The following EZH1 variants were observed in gnomAD, a reference collection of about 807,000 sequenced individuals.
EZH1 encodes histone-lysine N-methyltransferase EZH1.
In EZH1, 33 loss-of-function variants were observed where a neutral mutation model predicts 100.5. The observed-to-expected ratio is 0.33, with a 90% CI of 0.25 to 0.44. The LOEUF is 0.44. EZH1 is among the 20% of genes least tolerant of loss of function. The probability of loss-of-function intolerance (pLI) is 1.00; values close to 1 mark genes in which losing one functional copy is unlikely to be tolerated. For missense variants in EZH1, 475 were observed against 928.4 expected, an observed-to-expected ratio of 0.51 and a Z score of 6.35; for synonymous variants, 272 against 313.8, an observed-to-expected ratio of 0.87 and a Z score of 1.41.
At position 42,705,112 on chromosome 17, in the gene EZH1, T is replaced by C; in HGVS notation, c.1911A>G (p.Glu637=). 6.2e-7 allele frequency: 1 copy of C among 1,613,624 alleles called. No homozygotes were observed. The highest frequency in any genetic ancestry group is 1.1e-5 in the South Asian group (1 of 91,024). Residue 637 remains glutamate (E), a synonymous_variant, in exon 17 of 21, where the codon GAA becomes GAG. Coordinates refer to ENST00000428826, the MANE Select transcript of EZH1 (RefSeq NM_001991.5). ...CCTCACCACAGTATTCAGAAATGAATTCGTTCTTCTGCACAGACTCCTTTA... is the reference window on the plus strand; with the variant it reads ...CCTCACCACAGTATTCAGAAATGAACTCGTTCTTCTGCACAGACTCCTTTA... ...TFIKESVQKN[E]FISEYCGELI...
chr17:42,713,445 C>A, intron 10 of EZH1, 56 bp from the exon 11 acceptor site: 1 of 1,471,178 alleles, frequency 6.8e-7, no homozygotes, highest in Non-Finnish European at 9.1e-7. Context: ...CCATATTGAT[C>A]TCATCATCAC....
chr17:42,734,200 C>T (rs759887894), intron 1 of EZH1, among the ~76,000 whole-genome samples: 5 of 151,588 alleles, frequency 3.3e-5, no homozygotes, highest in African/African-American at 7.3e-5. Context: ...CCACCATGCC[C>T]GGCCAATTTT....
intron 1 of EZH1, among the ~76,000 whole-genome samples, chr17:42,742,403 CAA>C (rs2054192908): frequency 6.6e-6 from 1 of 152,186 alleles, no homozygotes; most frequent in African/African-American, 2.4e-5. Context: ...CTCAGCCTCC[CAA>C]AGTGCTGGGC....
At position 42,726,803 on chromosome 17, in the gene EZH1, C is replaced by T. The variant is rs981732557; in HGVS notation, c.246+832G>A. 3.2e-4 allele frequency among the ~76,000 whole-genome samples: 49 copies of T among 150,776 alleles called. 2 individuals carry two copies. The highest frequency in any genetic ancestry group is 4.2e-4 in the South Asian group (2 of 4,714). On this transcript the variant is annotated intron_variant, in intron 4 of 20. Transcript: ENST00000428826. ...TGCTGGGATTACAGGTGTGAGCCAC[C>T]GCGTCCAGCCAAAGTTTCTTAACTA...
intron 1 of EZH1, among the ~76,000 whole-genome samples, chr17:42,736,993 T>A (rs993051921): frequency 2.6e-5 from 4 of 151,890 alleles, no homozygotes; most frequent in African/African-American, 9.7e-5. Flanking sequence ...TTACAATTTT[T>A]TTTTTTTTTT....
Position 42,722,856 on chromosome 17 carries a change from T to C in EZH1, c.426A>G (p.Glu142=), listed in dbSNP as rs767592364. The change falls in exon 6 of 21, where the codon GAA becomes GAG. Residue 142 remains glutamate, a synonymous_variant. Coordinates refer to ENST00000428826, the MANE Select transcript of EZH1 (RefSeq NM_001991.5). ...TCAGCTCCTCAATAAAAGTCTCATC[T>C]TCTTCTTTCACTTCATCTCCCATGT... ...IPYMGDEVKE[E]DETFIEELIN... is the part of the protein sequence containing the mutation. The C allele has an allele frequency of 1.9e-6, 3 of 1,614,072 alleles. No homozygotes were observed. The highest frequency in any genetic ancestry group is 2.2e-5 in the South Asian group (2 of 91,076).
Position 42,718,670 on chromosome 17 carries a change from G to A in EZH1, c.768-53C>T. 1 of 1,594,656 alleles carries A rather than the reference G, an allele frequency of 6.3e-7. No homozygotes were observed. The highest frequency in any genetic ancestry group is 8.6e-7 in the Non-Finnish European group (1 of 1,165,866). The stretch of plus-strand genomic sequence containing the variant: ...CCTCCGAGGAACTGCCTCCACTGAG[G>A]AAATACAGATTGGGTACTGACAGTA... On this transcript the variant is annotated intron_variant, in intron 8 of 20. Transcript: ENST00000428826. The surrounding 1 kb of genome is among the most constrained non-coding windows in gnomAD (Gnocchi z 4.2).
At chr17:42,710,629 G>C (rs2355374) in intron 12 of EZH1, among the ~76,000 whole-genome samples, 3 of 139,950 alleles carry the variant, frequency 2.1e-5, no homozygotes, top group African/African-American at 5.3e-5. Flanking sequence ...GTTTTTGTTT[G>C]TTTTTTTTTT....
At chr17:42,717,491 C>G (rs2053628091) in intron 10 of EZH1, among the ~76,000 whole-genome samples, 1 of 152,210 alleles carries the variant, frequency 6.6e-6, no homozygotes, top group Non-Finnish European at 1.5e-5. Flanking sequence ...CCTTCTAGCT[C>G]TCAATATATG....
chr17:42,724,627 A>T (rs1280535662), intron 4 of EZH1: 3 of 458,976 alleles, frequency 6.5e-6, no homozygotes, highest in Non-Finnish European at 1.2e-5. Context: ...ACAAAAACAT[A>T]ATACAAAAAT....
chr17:42,718,605 T>C lies in EZH1; in HGVS notation c.780A>G (p.Leu260=). ...GTGCATTGGGGTCTGACATCTCTGT[T>C]AGTTCTCGATACCTATTTAAGAAAA... ...PDDMKERYRE[L]TEMSDPNALP... The change falls in exon 9 of 21, where the codon CTA becomes CTG. Residue 260 remains leucine (L), a synonymous_variant. Coordinates refer to ENST00000428826, the MANE Select transcript of EZH1 (RefSeq NM_001991.5). The surrounding 1 kb of genome is among the most constrained non-coding windows in gnomAD (Gnocchi z 4.2). The C allele has an allele frequency of 6.2e-7, 1 of 1,614,168 alleles. No homozygotes were observed. Among genetic ancestry groups the C allele is most frequent in the Non-Finnish European group, 8.5e-7 (1 of 1,180,014 alleles).
At chr17:42,729,757 A>AG (rs397694264) in intron 2 of EZH1, among the ~76,000 whole-genome samples, 25 of 145,652 alleles carry the variant, frequency 1.7e-4, no homozygotes, top group Middle Eastern at 3.4e-3. Context: ...AAAAAAAAAA[A>AG]GTCCGGGCAT....
At chr17:42,720,525 A>G in intron 6 of EZH1, 76 bp from the exon 7 acceptor site, 1 of 1,391,520 alleles carries the variant, frequency 7.2e-7, no homozygotes, top group South Asian at 1.4e-5. Flanking sequence ...GTTTTCTTGT[A>G]CTCACTCCAG....
chr17:42,714,922 ATT>A (rs1193340537), intron 10 of EZH1, among the ~76,000 whole-genome samples: 1 of 138,346 alleles, frequency 7.2e-6, no homozygotes, highest in African/African-American at 2.7e-5. Flanking sequence ...TAATTATATA[ATT>A]TATATAAATA....
chr17:42,716,359 A>G (rs760120619), intron 10 of EZH1, among the ~76,000 whole-genome samples: 22 of 152,222 alleles, frequency 1.4e-4, no homozygotes, highest in Non-Finnish European at 2.2e-4. Context: ...TTTATGGAGA[A>G]AGGAGATACA....
intron 4 of EZH1, among the ~76,000 whole-genome samples, chr17:42,724,862 T>C (rs1460284428): frequency 1.3e-5 from 2 of 151,650 alleles, no homozygotes; most frequent in African/African-American, 2.4e-5. Flanking sequence ...AAAATTCAGA[T>C]GGCATTTAAA....
At chr17:42,717,900 G>A (rs946067789) in intron 10 of EZH1, 76 bp downstream of exon 10, 6 of 1,290,514 alleles carry the variant, frequency 4.6e-6, no homozygotes, top group African/African-American at 4.4e-5. Context: ...ATGACCCCCA[G>A]AGTGCTGTGT....
chr17:42,728,002 A>G (rs2053857048), intron 3 of EZH1, among the ~76,000 whole-genome samples: 1 of 151,404 alleles, frequency 6.6e-6, no homozygotes, highest in Admixed American at 6.6e-5. Flanking sequence ...TTTTTGGTAG[A>G]GACAGGGTTT....
chr17:42,723,063 C>G lies in EZH1; in HGVS notation c.367-148G>C, dbSNP rs1034513036. The G allele has an allele frequency of 2.2e-5, 28 of 1,263,446 alleles. 1 individual carries two copies. Among genetic ancestry groups the G allele is most frequent in the Non-Finnish European group, 2.8e-5 (26 of 935,040 alleles). 78.3% of individuals were successfully genotyped at this position (1,263,446 alleles called of 1,614,324 possible). ...GAGTTTCCTGCATTTTAAACACTGG[C>G]CATTTTGTTTGGCCAAAAAAACCTC... On this transcript the variant is annotated intron_variant, in intron 5 of 20. Transcript: ENST00000428826.
Sources: allele counts gnomAD v4.1 joint callset (sites outside exome capture counted in the v4.1 genomes callset), GRCh38; gene constraint gnomAD v4.1.1; non-coding constraint Gnocchi (gnomAD v3.1); transcripts MANE v1.5; gene names NCBI Gene and HGNC (gene_info 2026-07-23, HGNC 2026-07-21).